SLC10A7: variants seen among roughly 807,000 people sequenced by gnomAD.
The protein encoded by SLC10A7 is solute carrier family 10 member 7.
In SLC10A7, 29 loss-of-function variants were observed where a neutral mutation model predicts 43.2. That is an observed-to-expected ratio of 0.67 (90% CI 0.50 to 0.92). SLC10A7 has a LOEUF of 0.92. Among genes scored for constraint, SLC10A7 ranks in the 40% least tolerant of loss-of-function variants. SLC10A7 has a pLI of 0.00. For synonymous variants in SLC10A7, 152 were observed against 144.8 expected (o/e 1.05, Z -0.35); for missense variants, 295 against 403.2 (o/e 0.73, Z 2.30).
At chr4:146,443,403 G>A (rs1480031880) in intron 4 of SLC10A7, among the ~76,000 whole-genome samples, 1 of 151,780 alleles carries the variant, frequency 6.6e-6, no homozygotes, top group East Asian at 2.0e-4. Flanking sequence ...AAAATTCAAA[G>A]AAAAAATATT....
intron 4 of SLC10A7, among the ~76,000 whole-genome samples, chr4:146,455,031 C>G (rs1731932188): frequency 6.6e-6 from 1 of 151,512 alleles, no homozygotes; most frequent in African/African-American, 2.4e-5. Flanking sequence ...CTCAGTATTC[C>G]TCAAGTTTAA....
intron 5 of SLC10A7, among the ~76,000 whole-genome samples, chr4:146,419,705 G>A (rs895697762): frequency 3.3e-5 from 5 of 151,622 alleles, no homozygotes; most frequent in East Asian, 1.9e-4. Flanking sequence ...GCATGGTGGC[G>A]GGTGCCTGCA....
At chr4:146,406,886 G>C (rs940735304) in intron 5 of SLC10A7, among the ~76,000 whole-genome samples, 4 of 152,182 alleles carry the variant, frequency 2.6e-5, no homozygotes, top group African/African-American at 9.7e-5. Flanking sequence ...GGGAGGCTGA[G>C]GCAGGAGAAT....
chr4:146,274,686 T>C (rs1438015196), intron 10 of SLC10A7, among the ~76,000 whole-genome samples: 1 of 152,054 alleles, frequency 6.6e-6, no homozygotes, highest in East Asian at 1.9e-4. Context: ...GACCACAATA[T>C]CATATATTGA....
Position 146,386,347 on chromosome 4 carries a change from TA to T in SLC10A7, c.435+56435del, listed in dbSNP as rs912703403. Among the ~76,000 whole-genome samples, 7 of 151,456 alleles carry T rather than the reference TA, an allele frequency of 4.6e-5. No individual in the cohort carries two copies. In the South Asian group the frequency reaches 6.3e-4, roughly 14 times the overall value. On this transcript the variant is annotated intron_variant, in intron 5 of 11. Coordinates refer to ENST00000335472, the MANE Select transcript of SLC10A7 (RefSeq NM_001029998.6). The stretch of plus-strand genomic sequence containing the variant: ...CTCATGATTAGTGATGCCCTCAACT[TA>T]AAAAAAAATGTTTTTAAACGTACAG...
intron 10 of SLC10A7, among the ~76,000 whole-genome samples, chr4:146,280,513 A>T (rs1281034503): frequency 6.6e-6 from 1 of 152,156 alleles, no homozygotes; most frequent in Non-Finnish European, 1.5e-5. Context: ...CTGCTTTAAA[A>T]ATATAAAGTT....
intron 5 of SLC10A7, among the ~76,000 whole-genome samples, chr4:146,399,918 G>A (rs942184458): frequency 2.0e-5 from 3 of 152,066 alleles, no homozygotes; most frequent in Non-Finnish European, 2.9e-5. Context: ...ATATCAATTG[G>A]CACAGAACAA....
At chr4:146,449,132 T>G (rs1731356937) in intron 4 of SLC10A7, among the ~76,000 whole-genome samples, 1 of 152,168 alleles carries the variant, frequency 6.6e-6, no homozygotes, top group Non-Finnish European at 1.5e-5. Flanking sequence ...GGATACACCC[T>G]GTAAGAGTTC....
intron 5 of SLC10A7, among the ~76,000 whole-genome samples, chr4:146,383,122 C>A (rs2042279161): frequency 6.6e-6 from 1 of 152,072 alleles, no homozygotes; most frequent in South Asian, 2.1e-4. Flanking sequence ...TTTATTGTTA[C>A]CTTGACTTCT....
Position 146,380,142 on chromosome 4 carries a change from A to C in SLC10A7, c.436-54146T>G, listed in dbSNP as rs563616517. On this transcript the variant is annotated intron_variant, in intron 5 of 11. Transcript: ENST00000335472. ...ACAAGGAGTACTATGGGTCAAATACACTTTTGTTTAAAACCAGGTATATGT... is the reference window on the plus strand; with the variant it reads ...ACAAGGAGTACTATGGGTCAAATACCCTTTTGTTTAAAACCAGGTATATGT... Among the ~76,000 whole-genome samples the C allele has an allele frequency of 7.9e-5, 12 of 152,216 alleles. No individual in the cohort carries two copies. In the South Asian group the frequency reaches 2.5e-3, roughly 32 times the overall value.
At chr4:146,444,071 T>C (rs1400005092) in intron 4 of SLC10A7, among the ~76,000 whole-genome samples, 7 of 152,256 alleles carry the variant, frequency 4.6e-5, no homozygotes, top group South Asian at 2.1e-4. Flanking sequence ...CAGATGACAA[T>C]TGTAAACTAT....
intron 10 of SLC10A7, among the ~76,000 whole-genome samples, chr4:146,263,958 G>A (rs1448412624): frequency 6.6e-6 from 1 of 152,172 alleles, no homozygotes; most frequent in Non-Finnish European, 1.5e-5. Flanking sequence ...CCAAACACTT[G>A]GGAAATCACT....
chr4:146,422,192 C>T (rs376773935), intron 5 of SLC10A7, among the ~76,000 whole-genome samples: 2 of 151,944 alleles, frequency 1.3e-5, no homozygotes, highest in Non-Finnish European at 2.9e-5. Context: ...AAATAAAACG[C>T]TCTAGGAAAG....
At chr4:146,513,682 C>A (rs1168025755) in intron 2 of SLC10A7, among the ~76,000 whole-genome samples, 1 of 152,164 alleles carries the variant, frequency 6.6e-6, no homozygotes, top group Non-Finnish European at 1.5e-5. Flanking sequence ...AATAGGGAAG[C>A]GCTTCTAAGA....
At chr4:146,360,495 T>C (rs1735967370) in intron 5 of SLC10A7, among the ~76,000 whole-genome samples, 1 of 152,074 alleles carries the variant, frequency 6.6e-6, no homozygotes, top group East Asian at 1.9e-4. Flanking sequence ...GGCTGGAGTA[T>C]AGTGGCACAA....
intron 9 of SLC10A7, among the ~76,000 whole-genome samples, chr4:146,289,706 G>GTTTTTTTT (rs776153195): frequency 2.3e-5 from 2 of 88,090 alleles, no homozygotes; most frequent in African/African-American, 9.3e-5. Context: ...CTGATTATTA[G>GTTTTTTTT]TTTTTTTTTT....
chr4:146,303,587 C>A (rs1731313183), intron 7 of SLC10A7, among the ~76,000 whole-genome samples: 1 of 152,044 alleles, frequency 6.6e-6, no homozygotes, highest in East Asian at 1.9e-4. Flanking sequence ...ATCACATTGC[C>A]CAGGCTGGTC....
At chr4:146,445,690 G>C (rs756296096) in intron 4 of SLC10A7, among the ~76,000 whole-genome samples, 16 of 152,064 alleles carry the variant, frequency 1.1e-4, no homozygotes, top group Admixed American at 2.0e-4. Context: ...CAAATCAAAG[G>C]GTAGTTAATG....
In SLC10A7 at chr4:146,493,168, A is replaced by G. The variant is rs529906940; in HGVS notation, c.396+10681T>C. ...CCAGAATTTGGAAATAAAGTTAAAA[A>G]TAATCAAATTCTGTATAACAAGATG... On this transcript the variant is annotated intron_variant, in intron 4 of 11. Transcript: ENST00000335472. Among the ~76,000 whole-genome samples, 11 of 152,360 alleles carry G rather than the reference A, an allele frequency of 7.2e-5. 1 individual carries two copies. In the East Asian group the frequency reaches 2.1e-3, roughly 29 times the overall value.
Sources: allele counts gnomAD v4.1 joint callset (sites outside exome capture counted in the v4.1 genomes callset), GRCh38; gene constraint gnomAD v4.1.1; transcripts MANE v1.5; gene names NCBI Gene and HGNC (gene_info 2026-07-23, HGNC 2026-07-21).